Variants in RTTN observed in about 807,000 individuals in gnomAD.
RTTN encodes rotatin.
RTTN carries 182 observed loss-of-function variants against 269.2 expected under a neutral mutation model. The observed-to-expected ratio is 0.68, with a 90% CI of 0.60 to 0.76. The LOEUF (loss-of-function observed/expected upper bound fraction) is 0.76, where lower values mean the gene tolerates loss of function less well. RTTN is among the 30% of genes least tolerant of loss of function. The pLI, the probability that RTTN is intolerant of heterozygous loss-of-function variation, is 0.00. For synonymous variants in RTTN, 1,006 were observed against 963.5 expected (o/e 1.04, Z -0.82); for missense variants, 2,545 against 2,608.6 (o/e 0.98, Z 0.53).
chr18:70,045,673 A>G (rs991679032), intron 40 of RTTN, among the ~76,000 whole-genome samples: 5 of 152,204 alleles, frequency 3.3e-5, no homozygotes, highest in Non-Finnish European at 7.3e-5. Flanking sequence ...ACATTTTGTC[A>G]TGAGTGTGCC....
chr18:70,040,746 A>G (rs2057315772), intron 40 of RTTN, among the ~76,000 whole-genome samples: 1 of 152,372 alleles, frequency 6.6e-6, no homozygotes, highest in African/African-American at 2.4e-5. Context: ...GTCTTAAAAC[A>G]TTCAAGAAAT....
chr18:70,006,523 G>A (rs1334603641), intron 46 of RTTN, 39 bp from the exon 47 acceptor site: 1 of 1,432,820 alleles, frequency 7.0e-7, no homozygotes, highest in Non-Finnish European at 9.8e-7. Flanking sequence ...TTCAGTCCCA[G>A]ACACTGCATT....
In RTTN at chr18:70,109,614, G is replaced by A. The variant is rs769785834; in HGVS notation, c.3787C>T (p.Leu1263Phe). The A allele has an allele frequency of 3.1e-6, 5 of 1,614,128 alleles. No homozygotes were observed. The South Asian group carries it at 5.5e-5, about 18-fold the overall frequency. Residue 1263 changes from leucine (L) to phenylalanine (F), a missense_variant, in exon 28 of 49, where the codon CTT (leucine) becomes TTT (phenylalanine). Leu to Phe is a conservative substitution (Grantham distance 22). Transcript: ENST00000640769. ...GCCATCCCTCGTAAGGTCCGCTCAAGGGACGGCAGGCCATAGAAATGAGGC... is the reference window on the plus strand; with the variant it reads ...GCCATCCCTCGTAAGGTCCGCTCAAAGGACGGCAGGCCATAGAAATGAGGC... Reference protein sequence around the residue: ...DAPHFYGLPSLERTLRGMANL... With the variant: ...DAPHFYGLPSFERTLRGMANL...
rs554877819 is a variant in RTTN at position 70,179,118 on chromosome 18, T to C, written c.1306-2273A>G. Among the ~76,000 whole-genome samples, 11 of 152,160 alleles carry C rather than the reference T, an allele frequency of 7.2e-5. No individual in the cohort carries two copies. The South Asian group carries it at 2.3e-3, about 32-fold the overall frequency. ...TTCTCTGATCCCCAAGAAATAAAAC[T>C]AAAAAGCAATAAATATTTAAACCGA... is the stretch of plus-strand genomic sequence containing the variant. On this transcript the variant is annotated intron_variant, in intron 10 of 48. Transcript: ENST00000640769.
intron 40 of RTTN, among the ~76,000 whole-genome samples, chr18:70,039,082 A>T (rs1183245597): frequency 6.6e-6 from 1 of 152,138 alleles, no homozygotes; most frequent in Admixed American, 6.6e-5. Context: ...AAGCATGCCT[A>T]TAAAACCTAA....
chr18:70,057,405 T>C (rs1184814925), intron 37 of RTTN, among the ~76,000 whole-genome samples: 2 of 152,166 alleles, frequency 1.3e-5, no homozygotes, highest in Non-Finnish European at 2.9e-5. Context: ...ATAACAGAGA[T>C]AGCCTAAAAT....
At chr18:70,023,425 C>A (rs1007628446) in intron 44 of RTTN, among the ~76,000 whole-genome samples, 1 of 152,234 alleles carries the variant, frequency 6.6e-6, no homozygotes, top group East Asian at 1.9e-4. Flanking sequence ...ACTATTTTCA[C>A]TTGAGTGAAC....
At chr18:70,197,894 AAAC>A (rs1348581061) in intron 5 of RTTN, among the ~76,000 whole-genome samples, 156 bp from the exon 6 acceptor site, 1 of 152,066 alleles carries the variant, frequency 6.6e-6, no homozygotes. Context: ...CCTAACCAAT[AAAC>A]AACTCTAGGG....
chr18:70,192,789 CACTT>C (rs1347949246), intron 8 of RTTN, among the ~76,000 whole-genome samples: 1 of 151,410 alleles, frequency 6.6e-6, no homozygotes, highest in Non-Finnish European at 1.5e-5. Flanking sequence ...TAACAGTAAA[CACTT>C]ATCCATTTGT....
intron 8 of RTTN, among the ~76,000 whole-genome samples, chr18:70,192,307 C>T (rs927281616): frequency 3.3e-5 from 5 of 152,096 alleles, no homozygotes; most frequent in East Asian, 3.9e-4. Flanking sequence ...GTTTCTAACA[C>T]ATTTGCACCC....
chr18:70,127,558 G>A lies in RTTN; in HGVS notation c.3327C>T (p.Cys1109=). The A allele has an allele frequency of 1.9e-6, 3 of 1,613,484 alleles. No homozygotes were observed. Among genetic ancestry groups the A allele is most frequent in the Admixed American group, 1.7e-5 (1 of 59,854 alleles). ...TCAAGGTAACCCCACATGGACCAGG[G>A]CAACCCTTTAAAGACAATCTGTCAT... ...LLNDRLSLKG[C]PGPCGVTLKS... Residue 1109 remains cysteine (C), a synonymous_variant, in exon 25 of 49, where the codon TGC becomes TGT. Coordinates refer to ENST00000640769, the MANE Select transcript of RTTN (RefSeq NM_173630.4).
intron 32 of RTTN, 33 bp downstream of exon 32, chr18:70,086,580 C>T: frequency 7.0e-7 from 1 of 1,436,104 alleles, no homozygotes; most frequent in Non-Finnish European, 9.6e-7. Flanking sequence ...TTTGAAACAT[C>T]TACTAGGTTG....
chr18:70,005,247 G>C lies in RTTN; in HGVS notation c.6546C>G (p.Ser2182Arg), dbSNP rs770207710. 1.9e-6 allele frequency: 3 copies of C among 1,612,058 alleles called. No homozygotes were observed. In the Admixed American group the frequency reaches 5.0e-5, roughly 27 times the overall value. ...NYQKAKTALK[S>R]PSVKRRVDEA... ...CATCCACTCTTCTTTTTACTGATGGGCTTTTCAAAGCTGTTTTTGCCTAGA... is the reference window on the plus strand; with the variant it reads ...CATCCACTCTTCTTTTTACTGATGGCCTTTTCAAAGCTGTTTTTGCCTAGA... Residue 2182 changes from serine (S) to arginine (R), a missense_variant, in exon 48 of 49, where the codon AGC (serine) becomes AGG (arginine). Coordinates refer to ENST00000640769, the MANE Select transcript of RTTN (RefSeq NM_173630.4).
intron 27 of RTTN, among the ~76,000 whole-genome samples, chr18:70,110,908 G>A (rs896060780): frequency 2.0e-5 from 3 of 152,230 alleles, no homozygotes; most frequent in Non-Finnish European, 2.9e-5. Context: ...CGAGGCTTGA[G>A]TAGGCAGTTT....
chr18:70,136,014 C>A (rs963859084), intron 21 of RTTN, among the ~76,000 whole-genome samples: 1 of 152,062 alleles, frequency 6.6e-6, no homozygotes. Context: ...ACACAGTTAG[C>A]AAATTCAGGG....
chr18:70,013,012 G>C (rs751042288), intron 46 of RTTN, among the ~76,000 whole-genome samples: 4 of 152,192 alleles, frequency 2.6e-5, no homozygotes, highest in Admixed American at 6.5e-5. Flanking sequence ...TCAGGACAAT[G>C]TGAAAGGCAG....
intron 46 of RTTN, among the ~76,000 whole-genome samples, chr18:70,015,194 G>A (rs2056504123): frequency 6.6e-6 from 1 of 151,472 alleles, no homozygotes; most frequent in Non-Finnish European, 1.5e-5. Context: ...TTCTACTACT[G>A]GGGACTACAA....
At chr18:70,101,943 A>G (rs1186841704) in intron 28 of RTTN, among the ~76,000 whole-genome samples, 1 of 152,204 alleles carries the variant, frequency 6.6e-6, no homozygotes, top group Admixed American at 6.5e-5. Flanking sequence ...TTTGAGACAC[A>G]GTTTATCATA....
intron 28 of RTTN, among the ~76,000 whole-genome samples, chr18:70,108,363 T>G (rs1440459363): frequency 6.6e-6 from 1 of 152,022 alleles, no homozygotes; most frequent in Non-Finnish European, 1.5e-5. Context: ...GATCAAATTC[T>G]ACCTAACATT....
Sources: allele counts gnomAD v4.1 joint callset (sites outside exome capture counted in the v4.1 genomes callset), GRCh38; gene constraint gnomAD v4.1.1; transcripts MANE v1.5; gene names NCBI Gene and HGNC (gene_info 2026-07-23, HGNC 2026-07-21).